SNU13: variants seen among roughly 807,000 people sequenced by gnomAD.
The protein encoded by SNU13 is NHP2-like protein 1.
In SNU13, 2 loss-of-function variants were observed where a neutral mutation model predicts 12.4. The ratio of observed to expected loss-of-function variants is 0.16; its 90% CI spans 0.07 to 0.51. SNU13 has a LOEUF of 0.51. Among genes scored for constraint, SNU13 ranks in the 20% least tolerant of loss-of-function variants. The pLI, the probability that SNU13 is intolerant of heterozygous loss-of-function variation, is 0.96. For synonymous variants in SNU13, 68 were observed against 66.5 expected (o/e 1.02, Z -0.11); for missense variants, 66 against 157.8 (o/e 0.42, Z 3.12).
chr22:41,687,705 A>C (rs932342204), intron 1 of SNU13: 1 of 152,220 alleles, frequency 6.6e-6, no homozygotes, highest in African/African-American at 2.4e-5. Flanking sequence ...ATTGAACAAC[A>C]AATACTGCGT....
At chr22:41,687,383 G>A (rs1175729480) in intron 1 of SNU13, among the ~76,000 whole-genome samples, 3 of 152,058 alleles carry the variant, frequency 2.0e-5, no homozygotes, top group Admixed American at 6.6e-5. Context: ...CCCATTCTCT[G>A]GAAATCAGGA....
intron 1 of SNU13, among the ~76,000 whole-genome samples, chr22:41,683,983 A>G (rs1348437718): frequency 6.6e-6 from 1 of 151,904 alleles, no homozygotes; most frequent in African/African-American, 2.4e-5. Flanking sequence ...GCTTACTGCA[A>G]CCTCTGCCTC....
At chr22:41,688,926 G>C (rs900389396), upstream of SNU13, 3 of 1,437,022 alleles carry the variant, frequency 2.1e-6, no homozygotes, top group African/African-American at 1.4e-5. Flanking sequence ...CGAAGGTGAC[G>C]CTACGCGAGC....
intron 2 of SNU13, 120 bp from the exon 3 acceptor site, chr22:41,675,315 G>A: frequency 2.3e-6 from 3 of 1,279,344 alleles, no homozygotes; most frequent in Non-Finnish European, 2.2e-6. Context: ...CCTGGGATAT[G>A]ATAAAGGATT....
chr22:41,683,568 A>G (rs1400201105), intron 1 of SNU13, among the ~76,000 whole-genome samples: 1 of 152,142 alleles, frequency 6.6e-6, no homozygotes, highest in South Asian at 2.1e-4. Flanking sequence ...ATCTTTCACT[A>G]TTATGTAAAT....
At chr22:41,677,264 C>T (rs1448086976) in intron 2 of SNU13, among the ~76,000 whole-genome samples, 2 of 152,346 alleles carry the variant, frequency 1.3e-5, no homozygotes, top group Admixed American at 6.5e-5. Flanking sequence ...GTGGCTCACA[C>T]CTGTAATCCC....
chr22:41,685,731 T>C (rs142958945), intron 1 of SNU13, among the ~76,000 whole-genome samples: 4,436 of 151,484 alleles, frequency 0.029, 121 homozygotes, highest in Admixed American at 0.062. Flanking sequence ...TTTGGGAGGC[T>C]GAGGCAGGCA....
intron 1 of SNU13, 141 bp from the exon 2 acceptor site, chr22:41,680,505 T>A: frequency 1.3e-6 from 1 of 795,640 alleles, no homozygotes; most frequent in Non-Finnish European, 1.9e-6. Context: ...ACCAGGTAGT[T>A]AACAATGGAC....
rs1262785107 is a variant in SNU13 at position 41,674,864 on chromosome 22, AAC to A, written c.*67_*68del. 12 of 1,563,612 alleles carry A rather than the reference AAC, an allele frequency of 7.7e-6. No individual in the cohort carries two copies. The highest frequency in any genetic ancestry group is 1.0e-5 in the Non-Finnish European group (12 of 1,148,898). ...AGAGTAGCTGAAAATACTACATGCT[AAC>A]ACAGATAATATGATACACAACCTCA... On this transcript the variant is annotated 3_prime_UTR_variant, in exon 3 of 3. Coordinates refer to ENST00000401959, the MANE Select transcript of SNU13 (RefSeq NM_001003796.2).
At chr22:41,681,615 T>A (rs957728468) in intron 1 of SNU13, 1 of 152,314 alleles carries the variant, frequency 6.6e-6, no homozygotes, top group Non-Finnish European at 1.5e-5. Context: ...CAACCCTTAT[T>A]AACTAATTAA....
chr22:41,682,882 C>G (rs1025987004), intron 1 of SNU13, among the ~76,000 whole-genome samples: 1 of 152,198 alleles, frequency 6.6e-6, no homozygotes, highest in African/African-American at 2.4e-5. Flanking sequence ...CTCCTGATCT[C>G]AGGTCATCTG....
upstream of SNU13, among the ~76,000 whole-genome samples, chr22:41,689,979 CAAAA>C (rs770945331): frequency 1.0e-5 from 1 of 97,914 alleles, no homozygotes. Flanking sequence ...AACTCGGTCT[CAAAA>C]AAAAAAAAAA....
intron 1 of SNU13, among the ~76,000 whole-genome samples, chr22:41,681,057 C>G (rs184652582): frequency 1.7e-4 from 26 of 152,306 alleles, no homozygotes; most frequent in African/African-American, 6.3e-4. Flanking sequence ...ATATAATTTA[C>G]AGTAAATGTA....
At chr22:41,688,233 T>C (rs73161344) in intron 1 of SNU13, 2,211 of 152,508 alleles carry the variant, frequency 0.014, 46 homozygotes, top group Admixed American at 0.058. Flanking sequence ...TCACTTCATG[T>C]TCCCCACAGC....
In SNU13 at chr22:41,688,820, A is replaced by C. The variant is rs1220896191; in HGVS notation, c.-24T>G. The C allele has an allele frequency of 6.3e-7, 1 of 1,597,152 alleles. No individual in the cohort carries two copies. Among genetic ancestry groups the C allele is most frequent in the Non-Finnish European group, 8.6e-7 (1 of 1,168,624 alleles). Reference sequence around the variant, plus strand: ...ATGGCTGCGGTTCCGCGGGCTCAGCACTCCTAGGGGAGCGCAGCTGACGTT... The same window carrying C: ...ATGGCTGCGGTTCCGCGGGCTCAGCCCTCCTAGGGGAGCGCAGCTGACGTT... On this transcript the variant is annotated 5_prime_UTR_variant, in exon 1 of 3. Coordinates refer to ENST00000401959, the MANE Select transcript of SNU13 (RefSeq NM_001003796.2).
At position 41,684,052 on chromosome 22, in the gene SNU13, C is replaced by T. The variant is rs770191902; in HGVS notation, c.4-3688G>A. On this transcript the variant is annotated intron_variant, in intron 1 of 2. Transcript: ENST00000401959. ...ACCAGTAGCTGGGATTACAGGTGCGCGTCACCACACCGGGCTAATTTTTGT... is the reference window on the plus strand; with the variant it reads ...ACCAGTAGCTGGGATTACAGGTGCGTGTCACCACACCGGGCTAATTTTTGT... Among the ~76,000 whole-genome samples, 160 of 152,104 alleles carry T rather than the reference C, an allele frequency of 1.1e-3. 2 individuals carry two copies. The highest frequency in any genetic ancestry group is 4.0e-4 in the Non-Finnish European group (27 of 68,024).
chr22:41,688,667 C>G lies in SNU13; in HGVS notation c.3+127G>C. 6 of 1,338,574 alleles carry G rather than the reference C, an allele frequency of 4.5e-6. No homozygotes were observed. The South Asian group carries it at 9.8e-5, about 22-fold the overall frequency. 82.9% of individuals were successfully genotyped at this position (1,338,574 alleles called of 1,614,324 possible). ...GCTGCTGGGGTTCTAACTAAGGGCC[C>G]GGCGGTTAAGACCCAACGCCGGCGG... On this transcript the variant is annotated intron_variant, in intron 1 of 2. Transcript: ENST00000401959.
In SNU13 at chr22:41,682,155, C is replaced by T. The variant is rs374361449; in HGVS notation, c.4-1791G>A. ...CCTTGGAGGCTGGACATAGGGTGGACGGCAGTCGCTGGAGACGGAGATGGC... is the reference window on the plus strand; with the variant it reads ...CCTTGGAGGCTGGACATAGGGTGGATGGCAGTCGCTGGAGACGGAGATGGC... On this transcript the variant is annotated intron_variant, in intron 1 of 2. Coordinates refer to ENST00000401959, the MANE Select transcript of SNU13 (RefSeq NM_001003796.2). Among the ~76,000 whole-genome samples the T allele has an allele frequency of 1.2e-3, 183 of 152,090 alleles. 1 individual carries two copies. The highest frequency in any genetic ancestry group is 4.1e-3 in the African/African-American group (171 of 41,502).
rs2068196424 is a variant in SNU13 at position 41,674,817 on chromosome 22, G to A, written c.*116C>T. ...CACAAAAATCCAGAAACCAGATTTAGTACTACATTTTATAACAATAGAGAG... is the reference window on the plus strand; with the variant it reads ...CACAAAAATCCAGAAACCAGATTTAATACTACATTTTATAACAATAGAGAG... On this transcript the variant is annotated 3_prime_UTR_variant, in exon 3 of 3. Coordinates refer to ENST00000401959, the MANE Select transcript of SNU13 (RefSeq NM_001003796.2). 8 of 1,382,182 alleles carry A rather than the reference G, an allele frequency of 5.8e-6. No homozygotes were observed. Among genetic ancestry groups the A allele is most frequent in the South Asian group, 5.7e-5 (4 of 70,226 alleles). 85.6% of individuals were successfully genotyped at this position (1,382,182 alleles called of 1,614,324 possible). A position where few individuals can be genotyped will look rare whatever the true frequency, so the allele number is the denominator to read the frequency against.
Sources: gnomAD v4.1 joint callset for allele counts (sites outside exome capture counted in the v4.1 genomes callset) on GRCh38, gnomAD v4.1.1 for gene constraint, MANE v1.5 for transcripts, NCBI Gene and HGNC (gene_info 2026-07-23, HGNC 2026-07-21) for gene names.